RGS5: variants seen among roughly 807,000 people sequenced by gnomAD.
RGS5 encodes the protein regulator of G-protein signalling 5.
Under a neutral mutation model 18.9 loss-of-function variants are expected in RGS5, and 20 were observed. That is an observed-to-expected ratio of 1.06 (90% confidence interval 0.74 to 1.54). The LOEUF is 1.54. Among genes scored for constraint, RGS5 ranks in the 40% most tolerant of loss-of-function variants. The pLI is 0.00. For synonymous variants in RGS5, 57 were observed against 76.2 expected (o/e 0.75, Z 1.31); for missense variants, 201 against 211.8 (o/e 0.95, Z 0.32).
intron 2 of RGS5, among the ~76,000 whole-genome samples, chr1:163,258,563 T>C (rs1465714763): frequency 6.6e-6 from 1 of 152,204 alleles, no homozygotes; most frequent in South Asian, 2.1e-4. Context: ...GATAAGTTTT[T>C]CTATTAGCTG....
intron 2 of RGS5, among the ~76,000 whole-genome samples, chr1:163,258,305 C>G (rs1648332650): frequency 6.6e-6 from 1 of 152,140 alleles, no homozygotes; most frequent in South Asian, 2.1e-4. Context: ...CAAAACAATG[C>G]CCTTTTCAGA....
chr1:163,186,037 A>G (rs1250104784), intron 1 of RGS5, among the ~76,000 whole-genome samples: 1 of 151,128 alleles, frequency 6.6e-6, no homozygotes, highest in African/African-American at 2.4e-5. Flanking sequence ...TGGCAGTTAT[A>G]TGCATCTGGC....
intron 2 of RGS5, chr1:163,237,485 G>C (rs758323263): frequency 6.6e-6 from 1 of 152,308 alleles, no homozygotes; most frequent in Non-Finnish European, 1.5e-5. Flanking sequence ...AGGAGTTCAA[G>C]ACCAGTCTGG....
At chr1:163,184,562 G>T (rs1383850512) in intron 1 of RGS5, among the ~76,000 whole-genome samples, 2 of 152,158 alleles carry the variant, frequency 1.3e-5, no homozygotes, top group East Asian at 3.9e-4. Context: ...GGTGGCAGAA[G>T]GGACTTTGCA....
chr1:163,272,581 G>T (rs574733186), intron 2 of RGS5, among the ~76,000 whole-genome samples: 1 of 152,006 alleles, frequency 6.6e-6, no homozygotes, highest in Admixed American at 6.6e-5. Context: ...GTTAATTTTT[G>T]AATAGAACAT....
intron 2 of RGS5, among the ~76,000 whole-genome samples, chr1:163,265,150 T>C (rs989860060): frequency 2.0e-4 from 31 of 152,262 alleles, no homozygotes; most frequent in African/African-American, 7.2e-4. Context: ...TAGTCCATAG[T>C]TTCCTTACAC....
intron 2 of RGS5, among the ~76,000 whole-genome samples, chr1:163,252,632 C>T (rs1466469021): frequency 6.6e-6 from 1 of 152,008 alleles, no homozygotes; most frequent in Non-Finnish European, 1.5e-5. Context: ...GGATCAGAAA[C>T]TTCTCTAAGA....
intron 1 of RGS5, among the ~76,000 whole-genome samples, chr1:163,309,376 T>C (rs2101648198): frequency 6.6e-6 from 1 of 152,302 alleles, no homozygotes; most frequent in African/African-American, 2.4e-5. Context: ...AAAATTGGAG[T>C]CAGTACTCTC....
At chr1:163,251,865 G>A (rs759324558) in intron 2 of RGS5, among the ~76,000 whole-genome samples, 13 of 152,188 alleles carry the variant, frequency 8.5e-5, no homozygotes, top group Non-Finnish European at 1.9e-4. Flanking sequence ...CTCATTTTCT[G>A]TGCTATGTAT....
At chr1:163,224,670 G>C (rs1397811567) in intron 2 of RGS5, among the ~76,000 whole-genome samples, 1 of 152,116 alleles carries the variant, frequency 6.6e-6, no homozygotes, top group African/African-American at 2.4e-5. Context: ...CATTGTATAA[G>C]AGTTCTCCTT....
chr1:163,224,583 G>A (rs1647294756), intron 2 of RGS5, among the ~76,000 whole-genome samples: 1 of 152,180 alleles, frequency 6.6e-6, no homozygotes, highest in African/African-American at 2.4e-5. Context: ...TGGGATTGCT[G>A]AGTCATATGG....
At position 163,289,137 on chromosome 1, in the gene RGS5, C is replaced by A. The variant is rs187501173; in HGVS notation, c.-281+17096G>T. Among the ~76,000 whole-genome samples, 84 of 152,130 alleles carry A rather than the reference C, an allele frequency of 5.5e-4. No individual in the cohort carries two copies. The East Asian group carries it at 0.016, about 28-fold the overall frequency. On this transcript the variant is annotated intron_variant, in intron 2 of 5. Coordinates refer to the RGS5 transcript ENST00000618415. ...CCTTTGAATGTCATATATTACTTTT[C>A]TACAGAATAAAACCCAAGTGCCTGT...
At chr1:163,249,197 T>G (rs940716519) in intron 2 of RGS5, among the ~76,000 whole-genome samples, 2 of 150,432 alleles carry the variant, frequency 1.3e-5, no homozygotes, top group African/African-American at 4.9e-5. Context: ...AGTATTCACT[T>G]CAATATTATC....
rs1171970324 is a variant in RGS5, at chr1:163,146,911, A to T, written c.*431T>A. On this transcript the variant is annotated 3_prime_UTR_variant, in exon 5 of 5. Coordinates refer to ENST00000313961, the MANE Select transcript of RGS5 (RefSeq NM_003617.4). ...ATAATTAGAGGGGTGATCTCCCTGG[A>T]TCAGAACTAAAACAAGTGAGATCAA... is the stretch of plus-strand genomic sequence containing the variant. 1 of 152,776 alleles carries T rather than the reference A, an allele frequency of 6.5e-6. No homozygotes were observed. Among genetic ancestry groups the T allele is most frequent in the Non-Finnish European group, 1.5e-5 (1 of 68,424 alleles). 9.5% of individuals were successfully genotyped at this position (152,776 alleles called of 1,614,324 possible).
chr1:163,265,943 C>T (rs1201891981), intron 2 of RGS5, among the ~76,000 whole-genome samples: 1 of 152,076 alleles, frequency 6.6e-6, no homozygotes, highest in South Asian at 2.1e-4. Context: ...CTTCAATCAA[C>T]CCCCAAATAA....
chr1:163,231,754 T>TTAAA (rs1440478324), intron 2 of RGS5, among the ~76,000 whole-genome samples: 14 of 133,358 alleles, frequency 1.0e-4, no homozygotes, highest in African/African-American at 2.5e-4. Context: ...GTGGTAAAAT[T>TTAAA]AAAAAAAAAA....
At chr1:163,225,671 T>C (rs979015710) in intron 2 of RGS5, among the ~76,000 whole-genome samples, 2 of 151,376 alleles carry the variant, frequency 1.3e-5, no homozygotes, top group African/African-American at 4.8e-5. Context: ...TATGAGACAC[T>C]TGATACCCTG....
At chr1:163,303,824 C>A (rs1057319324) in intron 2 of RGS5, among the ~76,000 whole-genome samples, 3 of 152,080 alleles carry the variant, frequency 2.0e-5, no homozygotes, top group Non-Finnish European at 4.4e-5. Flanking sequence ...GGAGTGTGAA[C>A]CCTATTGCAA....
Position 163,145,782 on chromosome 1 carries a change from A to G in RGS5, c.*1560T>C, listed in dbSNP as rs889487378. On this transcript the variant is annotated 3_prime_UTR_variant, in exon 5 of 5. Coordinates refer to ENST00000313961, the MANE Select transcript of RGS5 (RefSeq NM_003617.4). ...ACAGTCACATAGTTGCTTCACTTTC[A>G]ATATTCTTAGGAAATAACCAAATAA... is the stretch of plus-strand genomic sequence containing the variant. 2 of 152,186 alleles carry G rather than the reference A, an allele frequency of 1.3e-5. No individual in the cohort carries two copies. The highest frequency in any genetic ancestry group is 4.8e-5 in the African/African-American group (2 of 41,458). 9.4% of individuals were successfully genotyped at this position (152,186 alleles called of 1,614,324 possible).
Sources: allele counts gnomAD v4.1 joint callset (sites outside exome capture counted in the v4.1 genomes callset), GRCh38; gene constraint gnomAD v4.1.1; transcripts MANE v1.5; gene names NCBI Gene and HGNC (gene_info 2026-07-23, HGNC 2026-07-21).